Variants in CTBP2 observed in about 807,000 individuals in gnomAD.
CTBP2 encodes C-terminal-binding protein 2.
In CTBP2, 30 loss-of-function variants were observed where a neutral mutation model predicts 80.3. The observed-to-expected ratio is 0.37, with a 90% CI of 0.28 to 0.51. The LOEUF (loss-of-function observed/expected upper bound fraction) is 0.51, where lower values mean the gene tolerates loss of function less well. Among genes scored for constraint, CTBP2 ranks in the 20% least tolerant of loss-of-function variants. The probability of loss-of-function intolerance (pLI) is 0.93; values close to 1 mark genes in which losing one functional copy is unlikely to be tolerated. For synonymous variants in CTBP2, 594 were observed against 587.4 expected (o/e 1.01, Z -0.16); for missense variants, 1,212 against 1,375.3 (o/e 0.88, Z 1.88).
At chr10:125,013,336 A>T (rs567330033) in intron 1 of CTBP2, among the ~76,000 whole-genome samples, 1 of 152,280 alleles carries the variant, frequency 6.6e-6, no homozygotes, top group South Asian at 2.1e-4. Flanking sequence ...CACAGACTAG[A>T]CTTTCCCAGG....
chr10:125,063,120 G>A lies in CTBP2; in HGVS notation c.-101-23965C>T, dbSNP rs1053994283. ...GCCAGCCTCGAGCTGGACCTCAGCC[G>A]CAACTGTGTGCTGTGCTAAATGGCC... On this transcript the variant is annotated intron_variant, in intron 2 of 10. Coordinates refer to the CTBP2 transcript ENST00000337195. 5.3e-5 allele frequency among the ~76,000 whole-genome samples: 8 copies of A among 152,342 alleles called. No individual in the cohort carries two copies. The East Asian group carries it at 1.2e-3, about 22-fold the overall frequency.
chr10:125,039,168 G>C lies in CTBP2; in HGVS notation c.-101-13C>G. On this transcript the variant is annotated splice_polypyrimidine_tract_variant and intron_variant, in intron 2 of 10. Coordinates refer to the CTBP2 transcript ENST00000337195. ...GCCACTATGAACCCTGAAACAAGGA[G>C]AAAAGAATCCTTACTCTCTGGAGAC... 1.1e-6 allele frequency: 1 copy of C among 876,988 alleles called. No homozygotes were observed. Among genetic ancestry groups the C allele is most frequent in the Non-Finnish European group, 1.8e-6 (1 of 562,300 alleles). 54.3% of individuals were successfully genotyped at this position (876,988 alleles called of 1,614,324 possible).
rs756547143 is a variant in CTBP2, at chr10:125,027,285, G to A, written c.475C>T (p.Gln159Ter). The A allele has an allele frequency of 6.2e-7, 1 of 1,613,546 alleles. No homozygotes were observed. The highest frequency in any genetic ancestry group is 8.5e-7 in the Non-Finnish European group (1 of 1,179,970). The change falls in exon 1 of 9, where the codon CAG becomes TAG. Residue 159 changes from glutamine to a stop codon, truncating the protein, a stop_gained. Coordinates refer to ENST00000309035, the MANE Select transcript of CTBP2 (RefSeq NM_022802.3). LOFTEE classifies it high-confidence loss of function. ...TCCCGGTACAGGTGACCGGCGTCCT[G>A]CAGGGCAGGTGACCGGCCTTGCATT...
intron 3 of CTBP2, among the ~76,000 whole-genome samples, chr10:125,002,218 G>A (rs1488865122): frequency 6.6e-6 from 1 of 152,212 alleles, no homozygotes; most frequent in Non-Finnish European, 1.5e-5. Context: ...CACAGAGCAA[G>A]CACAGTGCCC....
intron 2 of CTBP2, among the ~76,000 whole-genome samples, chr10:125,075,000 G>T (rs1384783031): frequency 6.6e-6 from 1 of 152,174 alleles, no homozygotes; most frequent in Non-Finnish European, 1.5e-5. Flanking sequence ...CTGACGCCAG[G>T]CAGACTCAAT....
upstream of CTBP2, among the ~76,000 whole-genome samples, chr10:125,028,903 A>G (rs1011436086): frequency 2.6e-5 from 4 of 152,232 alleles, no homozygotes; most frequent in African/African-American, 9.6e-5. Flanking sequence ...TAATGCAAAG[A>G]ACAGCAGTTA....
intron 1 of CTBP2, among the ~76,000 whole-genome samples, chr10:125,013,726 G>A (rs1417675366): frequency 6.6e-6 from 1 of 152,194 alleles, no homozygotes; most frequent in East Asian, 1.9e-4. Context: ...GCAAGTAAGT[G>A]ATGGAGTCAG....
At chr10:125,036,055 A>G (rs1958832518) in intron 3 of CTBP2, among the ~76,000 whole-genome samples, 1 of 152,248 alleles carries the variant, frequency 6.6e-6, no homozygotes, top group Non-Finnish European at 1.5e-5. Context: ...CCATTATTCC[A>G]GCTCATTTGG....
rs535398002 is a variant in CTBP2, at chr10:124,985,889, G to A, written c.*3629C>T. 4.4e-4 allele frequency: 66 copies of A among 148,422 alleles called. No homozygotes were observed. Among genetic ancestry groups the A allele is most frequent in the African/African-American group, 1.5e-3 (64 of 41,424 alleles). The allele number at this position is 148,422 out of a possible 1,614,324, so 9.2% of individuals were successfully genotyped here. The stretch of plus-strand genomic sequence containing the variant: ...CAGATTGCCATGCCAGAGGGTCTTC[G>A]GATTCTTCCTTCTATCACCTCTGCT... On this transcript the variant is annotated 3_prime_UTR_variant, in exon 9 of 9. Transcript: ENST00000309035.
At chr10:125,118,844 G>A (rs1242337095) in intron 1 of CTBP2, among the ~76,000 whole-genome samples, 1 of 152,242 alleles carries the variant, frequency 6.6e-6, no homozygotes, top group East Asian at 1.9e-4. Context: ...CAACTCAGAA[G>A]CACTTGAAGG....
chr10:125,104,663 C>A (rs887654641), intron 2 of CTBP2, among the ~76,000 whole-genome samples: 1 of 152,224 alleles, frequency 6.6e-6, no homozygotes, highest in Non-Finnish European at 1.5e-5. Flanking sequence ...TCTTTGAAAA[C>A]CTCCTATTTA....
chr10:125,026,061 C>A (rs756946021), intron 1 of CTBP2: 3 of 1,541,098 alleles, frequency 1.9e-6, no homozygotes, highest in Non-Finnish European at 2.6e-6. Flanking sequence ...CCAGGCAGGG[C>A]AGGCGGGGAG....
upstream of CTBP2, among the ~76,000 whole-genome samples, chr10:125,030,787 A>C (rs529826084): frequency 7.9e-5 from 12 of 152,314 alleles, no homozygotes; most frequent in Non-Finnish European, 1.6e-4. Flanking sequence ...TTCTCAGGGA[A>C]TAGCTCATTC....
intron 2 of CTBP2, among the ~76,000 whole-genome samples, chr10:125,088,639 C>G (rs1048180216): frequency 6.6e-5 from 10 of 152,212 alleles, no homozygotes; most frequent in African/African-American, 2.4e-4. Context: ...AATGAGTCCA[C>G]ATCACCTGAA....
chr10:125,011,363 C>T (rs1229877984), intron 1 of CTBP2, among the ~76,000 whole-genome samples: 1 of 152,176 alleles, frequency 6.6e-6, no homozygotes, highest in Non-Finnish European at 1.5e-5. Context: ...AGGTAATCTC[C>T]CTTGTAGCTC....
intron 1 of CTBP2, among the ~76,000 whole-genome samples, chr10:125,022,608 A>C (rs1046458607): frequency 6.6e-6 from 1 of 152,250 alleles, no homozygotes; most frequent in Non-Finnish European, 1.5e-5. Flanking sequence ...TCCAGGACTC[A>C]GGGGTCCTGG....
chr10:125,072,547 C>T (rs531987067), intron 2 of CTBP2, among the ~76,000 whole-genome samples: 12 of 140,578 alleles, frequency 8.5e-5, no homozygotes, highest in South Asian at 7.2e-4. Flanking sequence ...ACCTGGGAAG[C>T]GGAGGCTGCA....
At chr10:125,048,883 A>G (rs928703392) in intron 2 of CTBP2, among the ~76,000 whole-genome samples, 6 of 152,226 alleles carry the variant, frequency 3.9e-5, no homozygotes, top group African/African-American at 1.4e-4. Context: ...CACCAGGATC[A>G]GTTTGCTGTG....
At chr10:125,154,162 T>C (rs1019927474) in intron 1 of CTBP2, among the ~76,000 whole-genome samples, 1 of 152,180 alleles carries the variant, frequency 6.6e-6, no homozygotes, top group Non-Finnish European at 1.5e-5. Context: ...GAAGCACAAA[T>C]CAGCAATACA....
Sources: gnomAD v4.1 joint callset for allele counts (sites outside exome capture counted in the v4.1 genomes callset) on GRCh38, gnomAD v4.1.1 for gene constraint, MANE v1.5 for transcripts, NCBI Gene and HGNC (gene_info 2026-07-23, HGNC 2026-07-21) for gene names.